MAP4: variants seen among roughly 807,000 people sequenced by gnomAD.
The protein encoded by MAP4 is microtubule associated protein 4.
In MAP4, 76 loss-of-function variants were observed where a neutral mutation model predicts 170.2. That is an observed-to-expected ratio of 0.45 (90% CI 0.37 to 0.54). The LOEUF is 0.54. MAP4 is among the 20% of genes least tolerant of loss of function. MAP4 has a pLI of 0.00. For missense variants in MAP4, 2,506 were observed against 2,748.0 expected (o/e 0.91, Z 1.97); for synonymous variants, 909 against 994.5 (o/e 0.91, Z 1.62).
chr3:47,921,639 T>G, intron 5 of MAP4, 126 bp downstream of exon 5: 1 of 614,422 alleles, frequency 1.6e-6, no homozygotes, highest in Non-Finnish European at 2.9e-6. Context: ...AAATTCACAT[T>G]TTAAACTTTG....
chr3:48,029,073 G>C (rs1207864873), intron 1 of MAP4, among the ~76,000 whole-genome samples: 1 of 151,316 alleles, frequency 6.6e-6, no homozygotes, highest in Admixed American at 6.6e-5. Context: ...TGGAGTCTGG[G>C]AAGTTGAGGA....
At chr3:47,987,242 T>A (rs2100089267) in intron 2 of MAP4, 2 of 542,602 alleles carry the variant, frequency 3.7e-6, no homozygotes, top group East Asian at 6.3e-5. Flanking sequence ...AAATGTGTCA[T>A]TCTCCATGAA....
Position 47,918,815 on chromosome 3 carries a change from C to A in MAP4, c.556G>T (p.Val186Leu). Residue 186 changes from valine to leucine, a missense_variant, in exon 6 of 21, where the codon GTA (valine) becomes TTA (leucine). Transcript: ENST00000683076. ...YGMSPCNTAVVPQGWSVEALN... is the reference protein window; with the variant it reads ...YGMSPCNTAVLPQGWSVEALN... The stretch of plus-strand genomic sequence containing the variant: ...GCTTCCACAGACCACCCCTGAGGTA[C>A]AACAGCTGTGTTGCAGGGAGACATA... 6.2e-7 allele frequency: 1 copy of A among 1,613,228 alleles called. No homozygotes were observed. Among genetic ancestry groups the A allele is most frequent in the Non-Finnish European group, 8.5e-7 (1 of 1,179,314 alleles).
chr3:47,982,601 A>C (rs1286026949), intron 2 of MAP4, among the ~76,000 whole-genome samples: 2 of 152,216 alleles, frequency 1.3e-5, no homozygotes, highest in Non-Finnish European at 2.9e-5. Flanking sequence ...ATGTAAACTT[A>C]ATGTACAAAG....
intron 1 of MAP4, among the ~76,000 whole-genome samples, chr3:48,008,393 G>A (rs2100103565): frequency 6.6e-6 from 1 of 152,196 alleles, no homozygotes; most frequent in African/African-American, 2.4e-5. Context: ...CCCCTTTCTA[G>A]GACATCCCTG....
chr3:48,046,181 T>C (rs888678845), intron 1 of MAP4, among the ~76,000 whole-genome samples: 5 of 152,140 alleles, frequency 3.3e-5, no homozygotes, highest in Non-Finnish European at 7.3e-5. Context: ...TTTGGTTTTT[T>C]CCTGAACTTT....
intron 1 of MAP4, chr3:48,088,675 C>T (rs886716914): frequency 6.6e-6 from 1 of 152,312 alleles, no homozygotes; most frequent in Non-Finnish European, 1.5e-5. Context: ...CGGGCGGGCC[C>T]CGTGGGGTAC....
chr3:47,924,939 T>C (rs773179686), intron 4 of MAP4, among the ~76,000 whole-genome samples: 3 of 151,978 alleles, frequency 2.0e-5, no homozygotes, highest in Admixed American at 6.6e-5. Context: ...GCTTCCCGAG[T>C]AGCTGGGACT....
At chr3:47,964,800 T>A (rs892802848) in intron 3 of MAP4, among the ~76,000 whole-genome samples, 1 of 152,190 alleles carries the variant, frequency 6.6e-6, no homozygotes, top group Non-Finnish European at 1.5e-5. Flanking sequence ...TCTGAAGAGA[T>A]CTGTGATATG....
chr3:48,006,032 C>A (rs548178692), intron 1 of MAP4, among the ~76,000 whole-genome samples: 1 of 152,182 alleles, frequency 6.6e-6, no homozygotes, highest in Non-Finnish European at 1.5e-5. Context: ...TAATTAATCA[C>A]GGTATTCCTA....
At chr3:48,064,052 T>G (rs1029773411) in intron 1 of MAP4, among the ~76,000 whole-genome samples, 1 of 152,194 alleles carries the variant, frequency 6.6e-6, no homozygotes, top group African/African-American at 2.4e-5. Context: ...TAACTTTGTT[T>G]GGGAGGAACT....
rs11711953 is a variant in MAP4, at chr3:47,998,793, C to T, written c.68G>A (p.Arg23Gln). 0.066 allele frequency: 106,801 copies of T among 1,613,960 alleles called. 4,031 individuals carry two copies. The highest frequency in any genetic ancestry group is 0.087 in the Middle Eastern group (525 of 6,062). The change falls in exon 2 of 21, where the codon CGG (arginine) becomes CAG (glutamine). Residue 23 changes from arginine to glutamine, a missense_variant. Arg to Gln is a conservative substitution (Grantham distance 43). Around this residue, in one of 3 missense-constraint regions of MAP4, gnomAD observed 2,008 missense variants for 2,206.0 expected, o/e 0.91. Coordinates refer to ENST00000683076, the MANE Select transcript of MAP4 (RefSeq NM_001385682.1). Reference sequence around the variant, plus strand: ...TGCCTCTAGTGTGGCAATGAAGTCCCGCTTTATCTCTCCCTCAATGTCTGG... The same window carrying T: ...TGCCTCTAGTGTGGCAATGAAGTCCTGCTTTATCTCTCCCTCAATGTCTGG... ...PSPDIEGEIKRDFIATLEAEA... is the reference protein window; with the variant it reads ...PSPDIEGEIKQDFIATLEAEA...
At position 47,857,532 on chromosome 3, in the gene MAP4, A is replaced by C. The variant is rs780855373; in HGVS notation, c.6502-20T>G. The C allele has an allele frequency of 1.3e-6, 2 of 1,548,618 alleles. No individual in the cohort carries two copies. The highest frequency in any genetic ancestry group is 2.2e-5 in the South Asian group (2 of 89,750). ...CTGAACCTGAAGAGAAGGACACAAA[A>C]GACTCATTCAGAGAGAAGGTATACT... On this transcript the variant is annotated intron_variant, in intron 17 of 20. Transcript: ENST00000683076.
At chr3:48,004,498 T>C (rs1286832204) in intron 1 of MAP4, among the ~76,000 whole-genome samples, 1 of 152,192 alleles carries the variant, frequency 6.6e-6, no homozygotes, top group Non-Finnish European at 1.5e-5. Flanking sequence ...AGGGATTCTG[T>C]TTCCTGGCTT....
In MAP4 at chr3:47,853,297, T is replaced by C. The variant is rs2047346727; in HGVS notation, c.6752A>G (p.Glu2251Gly). The C allele has an allele frequency of 6.2e-7, 1 of 1,610,698 alleles. No homozygotes were observed. The highest frequency in any genetic ancestry group is 8.5e-7 in the Non-Finnish European group (1 of 1,179,284). Residue 2251 changes from glutamate (E) to glycine (G), a missense_variant, in exon 20 of 21, where the codon GAG (glutamate) becomes GGG (glycine). Physicochemically the swap from Glu to Gly is moderately conservative, Grantham distance 98 (BLOSUM62 -2). Transcript: ENST00000683076. Reference protein sequence around the residue: ...PLCPGPPAGEEPAISEAAPEA... With the variant: ...PLCPGPPAGEGPAISEAAPEA... ...AGGCGCTGCCTCAGAGATGGCCGGC[T>C]CCTCCCCAGCAGGGGGACCCGGACA...
intron 1 of MAP4, among the ~76,000 whole-genome samples, chr3:48,057,713 C>T (rs1290212206): frequency 2.6e-5 from 4 of 151,228 alleles, no homozygotes; most frequent in Non-Finnish European, 4.4e-5. Flanking sequence ...GGCAAACTGC[C>T]GAACTATTTT....
intron 3 of MAP4, among the ~76,000 whole-genome samples, chr3:47,948,921 G>C (rs1003661472): frequency 6.6e-6 from 1 of 152,000 alleles, no homozygotes; most frequent in Non-Finnish European, 1.5e-5. Flanking sequence ...GCGCCCGGCC[G>C]ATCAATTTTC....
At chr3:47,917,994 CTTAT>C (rs769556140) in intron 6 of MAP4, among the ~76,000 whole-genome samples, 1 of 151,938 alleles carries the variant, frequency 6.6e-6, no homozygotes, top group African/African-American at 2.4e-5. Context: ...CCACGCTGAG[CTTAT>C]TTATTTATTT....
intron 3 of MAP4, among the ~76,000 whole-genome samples, chr3:47,946,800 C>T (rs2100060320): frequency 6.6e-6 from 1 of 151,702 alleles, no homozygotes; most frequent in African/African-American, 2.4e-5. Flanking sequence ...ATAATGAACC[C>T]TATTTCTATT....
Sources: gnomAD v4.1 joint callset for allele counts (sites outside exome capture counted in the v4.1 genomes callset) on GRCh38, gnomAD v4.1.1 for gene constraint, gnomAD v4.1.1 regional missense constraint, MANE v1.5 for transcripts, NCBI Gene and HGNC (gene_info 2026-07-23, HGNC 2026-07-21) for gene names.